The following SP110 variants were observed in gnomAD, a reference collection of about 807,000 sequenced individuals.
SP110 encodes the protein interferon-induced protein 41, 30kD.
SP110 carries 62 observed loss-of-function variants against 92.7 expected under a neutral mutation model. The ratio of observed to expected loss-of-function variants is 0.67; its 90% CI spans 0.55 to 0.83. The LOEUF is 0.83. SP110 is among the 40% of genes least tolerant of loss of function. SP110 has a pLI of 0.00. For missense variants in SP110, 793 were observed against 863.9 expected (o/e 0.92, Z 1.03); for synonymous variants, 273 against 305.3 (o/e 0.89, Z 1.10).
In SP110 at chr2:230,165,814, G is replaced by GA. The variant is rs1383036235; in HGVS notation, c.*3309dup. On this transcript the variant is annotated 3_prime_UTR_variant, in exon 19 of 19. Coordinates refer to ENST00000258381, the MANE Select transcript of SP110 (RefSeq NM_080424.4). ...ATGCCTTCCAAAATAGAAGGCAGAA[G>GA]AAAAAAAATAGACAAAAATAACATT... Among the ~76,000 whole-genome samples, 2 of 144,676 alleles carry GA rather than the reference G, an allele frequency of 1.4e-5. No individual in the cohort carries two copies. The highest frequency in any genetic ancestry group is 2.0e-4 in the East Asian group (1 of 4,984). The allele number at this position is 144,676 out of a possible 152,430, so 94.9% of individuals were successfully genotyped here. A position where few individuals can be genotyped will look rare whatever the true frequency, so the allele number is the denominator to read the frequency against.
chr2:230,197,603 C>A (rs2042939101), intron 10 of SP110, among the ~76,000 whole-genome samples: 7 of 151,504 alleles, frequency 4.6e-5, no homozygotes, highest in Admixed American at 4.6e-4. Context: ...GTGTTTTAGA[C>A]ATGAAGTCCT....
intron 14 of SP110, among the ~76,000 whole-genome samples, chr2:230,174,488 T>C: frequency 6.6e-6 from 1 of 152,138 alleles, no homozygotes; most frequent in Middle Eastern, 3.2e-3. Flanking sequence ...TTTGGCAACC[T>C]CCTCTCATGC....
At chr2:230,180,622 G>A (rs1464902093) in intron 12 of SP110, among the ~76,000 whole-genome samples, 1 of 152,068 alleles carries the variant, frequency 6.6e-6, no homozygotes, top group Non-Finnish European at 1.5e-5. Flanking sequence ...TATTACATGA[G>A]GTGGAGCTGG....
intron 15 of SP110, 116 bp from the exon 16 acceptor site, chr2:230,172,290 C>T (rs2078465254): frequency 1.3e-6 from 1 of 772,046 alleles, no homozygotes. Flanking sequence ...GGGTGGGACA[C>T]CTCCCAGAGT....
intron 14 of SP110, among the ~76,000 whole-genome samples, chr2:230,174,555 C>A (rs1004869): frequency 0.11 from 16,841 of 151,884 alleles, 990 homozygotes; most frequent in Middle Eastern, 0.14. Context: ...CAAAAAAAAA[C>A]CAAAACCCCA....
At chr2:230,195,841 C>A (rs761513665) in intron 10 of SP110, among the ~76,000 whole-genome samples, 1 of 151,678 alleles carries the variant, frequency 6.6e-6, no homozygotes, top group Admixed American at 6.6e-5. Context: ...ACTATTAAAG[C>A]AAAAACAAAA....
chr2:230,180,054 G>A lies in SP110; in HGVS notation c.1349-1799C>T, dbSNP rs534381103. On this transcript the variant is annotated intron_variant, in intron 12 of 18. Coordinates refer to ENST00000258381, the MANE Select transcript of SP110 (RefSeq NM_080424.4). ...TGGAACCCTGCAGCCCCAGGAACCC[G>A]GTGGGGGATGCTTGGGGCTCTCTAA... is the stretch of plus-strand genomic sequence containing the variant. Among the ~76,000 whole-genome samples the A allele has an allele frequency of 6.6e-5, 10 of 152,290 alleles. No individual in the cohort carries two copies. In the South Asian group the frequency reaches 2.1e-3, roughly 32 times the overall value.
At chr2:230,206,935 C>A (rs2043927406) in intron 8 of SP110, among the ~76,000 whole-genome samples, 1 of 151,940 alleles carries the variant, frequency 6.6e-6, no homozygotes. Context: ...TAGGTTAAAT[C>A]CTAAAGTACC....
At chr2:230,176,819 A>G in intron 14 of SP110, 1 of 1,297,364 alleles carries the variant, frequency 7.7e-7, no homozygotes, top group Non-Finnish European at 1.1e-6. Context: ...GTCTGTACCC[A>G]GACATCACAC....
In SP110 at chr2:230,170,717, G is replaced by T; in HGVS notation, c.1932C>A (p.Asp644Glu). The change falls in exon 18 of 19, where the codon GAC (aspartate) becomes GAA (glutamate). Residue 644 changes from aspartate to glutamate, a missense_variant. Transcript: ENST00000258381. ...GEPFQEAMWL[D>E]LVKERLITEM... ...CCGTAATCAGCCTTTCCTTAACCAG[G>T]TCCAACCACATTGCTTCCTGAAAGG... 1 of 1,614,004 alleles carries T rather than the reference G, an allele frequency of 6.2e-7. No individual in the cohort carries two copies. The highest frequency in any genetic ancestry group is 8.5e-7 in the Non-Finnish European group (1 of 1,179,984).
chr2:230,180,696 C>T (rs144102659), intron 12 of SP110, among the ~76,000 whole-genome samples: 24 of 152,110 alleles, frequency 1.6e-4, no homozygotes, highest in African/African-American at 4.8e-4. Context: ...AGAAATGCCA[C>T]GAGACTGCAC....
At chr2:230,171,879 G>A (rs1451779451) in intron 16 of SP110, 112 bp from the exon 17 acceptor site, 2 of 924,950 alleles carry the variant, frequency 2.2e-6, no homozygotes, top group Admixed American at 3.5e-5. Flanking sequence ...CAGCATTCCA[G>A]CCATGCTTCC....
rs367628224 is a variant in SP110 at position 230,190,340 on chromosome 2, C to T, written c.1130-4197G>A. ...CGTTTTTCCATATGTTTGTTGGCTACGTAAATTTTTTTTTTTTTGAGAAGT... is the reference window on the plus strand; with the variant it reads ...CGTTTTTCCATATGTTTGTTGGCTATGTAAATTTTTTTTTTTTTGAGAAGT... On this transcript the variant is annotated intron_variant, in intron 10 of 18. Transcript: ENST00000258381. 8.8e-3 allele frequency among the ~76,000 whole-genome samples: 533 copies of T among 60,294 alleles called. 3 individuals are homozygous for T. Among genetic ancestry groups the T allele is most frequent in the African/African-American group, 0.03 (498 of 16,614 alleles). 39.6% of individuals were successfully genotyped at this position (60,294 alleles called of 152,430 possible).
upstream of SP110, chr2:230,221,593 G>A (rs1403723474): frequency 1.9e-6 from 2 of 1,048,552 alleles, no homozygotes; most frequent in East Asian, 2.6e-5. Flanking sequence ...TAACAGCTGA[G>A]GAGAGGGTGC....
intron 8 of SP110, 41 bp from the exon 9 acceptor site, chr2:230,202,769 CT>C: frequency 1.2e-6 from 2 of 1,602,492 alleles, no homozygotes; most frequent in South Asian, 1.1e-5. Context: ...AAATTGGGGT[CT>C]TCAGTGAGCC....
chr2:230,221,630 A>C, upstream of SP110: 18 of 1,341,058 alleles, frequency 1.3e-5, no homozygotes, highest in Non-Finnish European at 1.7e-5. Context: ...GCAGTAACAT[A>C]CAGCGCTGTG....
intron 16 of SP110, 114 bp downstream of exon 16, chr2:230,171,952 C>A: frequency 2.4e-6 from 2 of 848,748 alleles, no homozygotes; most frequent in South Asian, 1.3e-5. Flanking sequence ...AATCGTCATC[C>A]TTTAAAGGGA....
chr2:230,177,182 G>T (rs1407107396), intron 14 of SP110, among the ~76,000 whole-genome samples: 1 of 152,198 alleles, frequency 6.6e-6, no homozygotes, highest in East Asian at 1.9e-4. Context: ...AATGCTGCAG[G>T]GGGGCCAGAT....
chr2:230,181,993 A>T (rs902317910), intron 12 of SP110, among the ~76,000 whole-genome samples: 32 of 152,388 alleles, frequency 2.1e-4, no homozygotes, highest in African/African-American at 6.5e-4. Flanking sequence ...TCTATTATAA[A>T]TATACCTGCA....
Sources: allele counts gnomAD v4.1 joint callset (sites outside exome capture counted in the v4.1 genomes callset), GRCh38; gene constraint gnomAD v4.1.1; transcripts MANE v1.5; gene names NCBI Gene and HGNC (gene_info 2026-07-23, HGNC 2026-07-21).